Variants in SMAD5 observed in about 807,000 individuals in gnomAD.
SMAD5 encodes the protein SMAD family member 5.
SMAD5 carries 9 observed loss-of-function variants against 43.1 expected under a neutral mutation model. The observed-to-expected ratio is 0.21, with a 90% CI of 0.13 to 0.36. SMAD5 has a LOEUF of 0.36. Ranked by LOEUF, SMAD5 falls within the 10% of genes least tolerant of loss-of-function variation. The probability of loss-of-function intolerance (pLI) is 1.00; values close to 1 mark genes in which losing one functional copy is unlikely to be tolerated. For synonymous variants in SMAD5, 190 were observed against 192.4 expected (o/e 0.99, Z 0.10); for missense variants, 348 against 574.0 (o/e 0.61, Z 4.02).
intron 3 of SMAD5, among the ~76,000 whole-genome samples, chr5:136,155,018 A>G (rs2149769447): frequency 6.6e-6 from 1 of 151,918 alleles, no homozygotes; most frequent in East Asian, 1.9e-4. Context: ...CATTTATATT[A>G]TTTCTTTATG....
chr5:136,165,941 G>A (rs1184132819), intron 5 of SMAD5, among the ~76,000 whole-genome samples: 2 of 151,742 alleles, frequency 1.3e-5, no homozygotes, highest in South Asian at 2.1e-4. Context: ...GTATATACCA[G>A]AAGTACAATT....
In SMAD5 at chr5:136,179,544, A is replaced by G. The variant is rs751627244; in HGVS notation, c.*2064A>G. ...TGTGTCATTATTTATTGCTTTTTCA[A>G]TGTGCAGCCAGTGGATGGTTTTAGT... On this transcript the variant is annotated 3_prime_UTR_variant, in exon 8 of 8. Coordinates refer to ENST00000545279, the MANE Select transcript of SMAD5 (RefSeq NM_005903.7). 2 of 152,212 alleles carry G rather than the reference A, an allele frequency of 1.3e-5. No individual in the cohort carries two copies. Among genetic ancestry groups the G allele is most frequent in the East Asian group, 1.9e-4 (1 of 5,194 alleles). The allele number at this position is 152,212 out of a possible 1,614,324, so 9.4% of individuals were successfully genotyped here.
At chr5:136,152,179 A>G (rs967697217) in intron 2 of SMAD5, among the ~76,000 whole-genome samples, 1 of 152,124 alleles carries the variant, frequency 6.6e-6, no homozygotes, top group Non-Finnish European at 1.5e-5. Context: ...GATAGCTGCC[A>G]GTAGTTGATC....
chr5:136,166,348 G>A (rs949555101), intron 5 of SMAD5, among the ~76,000 whole-genome samples: 2 of 151,960 alleles, frequency 1.3e-5, no homozygotes, highest in Non-Finnish European at 2.9e-5. Context: ...CTATGTTTGT[G>A]ATAATACTGA....
chr5:136,163,933 C>A (rs1753910538), intron 5 of SMAD5, among the ~76,000 whole-genome samples: 1 of 152,180 alleles, frequency 6.6e-6, no homozygotes, highest in South Asian at 2.1e-4. Flanking sequence ...GTAATCGTAG[C>A]ACTTTGGGAG....
At chr5:136,177,111 T>C (rs995909957) in intron 7 of SMAD5, among the ~76,000 whole-genome samples, 1 of 152,198 alleles carries the variant, frequency 6.6e-6, no homozygotes, top group Non-Finnish European at 1.5e-5. Flanking sequence ...GGGTTTCTTT[T>C]AAGGGAATTA....
At chr5:136,176,390 G>C (rs974703177) in intron 7 of SMAD5, among the ~76,000 whole-genome samples, 2 of 149,186 alleles carry the variant, frequency 1.3e-5, no homozygotes. Context: ...GGGAGGCGGA[G>C]GTTGCAGTTA....
Position 136,174,647 on chromosome 5 carries a change from C to G in SMAD5, c.1254+15C>G. ...GTTTTGTCAAGGTGAGTTGTGACCT[C>G]TAACATAATTTGAGTCACTATAAAT... On this transcript the variant is annotated intron_variant, in intron 7 of 7. Coordinates refer to ENST00000545279, the MANE Select transcript of SMAD5 (RefSeq NM_005903.7). 1 of 1,586,418 alleles carries G rather than the reference C, an allele frequency of 6.3e-7. No individual in the cohort carries two copies. The highest frequency in any genetic ancestry group is 8.7e-7 in the Non-Finnish European group (1 of 1,155,760).
chr5:136,163,930 TA>T (rs1753910400), intron 5 of SMAD5, among the ~76,000 whole-genome samples: 1 of 152,162 alleles, frequency 6.6e-6, no homozygotes, highest in Admixed American at 6.5e-5. Context: ...CCTGTAATCG[TA>T]GCACTTTGGG....
Position 136,182,306 on chromosome 5 carries a change from T to C in SMAD5, c.*4826T>C, listed in dbSNP as rs577641960. 3.9e-5 allele frequency: 6 copies of C among 152,202 alleles called. No individual in the cohort carries two copies. The highest frequency in any genetic ancestry group is 8.8e-5 in the Non-Finnish European group (6 of 68,034). 9.4% of individuals were successfully genotyped at this position (152,202 alleles called of 1,614,324 possible). Reference sequence around the variant, plus strand: ...TTGAAGATGATGTTGCATTGATTTATTCATAAAGTATTTTAACTATAGGAA... The same window carrying C: ...TTGAAGATGATGTTGCATTGATTTACTCATAAAGTATTTTAACTATAGGAA... On this transcript the variant is annotated 3_prime_UTR_variant, in exon 8 of 8. Coordinates refer to ENST00000545279, the MANE Select transcript of SMAD5 (RefSeq NM_005903.7).
chr5:136,166,166 C>CT (rs760440947), intron 5 of SMAD5, among the ~76,000 whole-genome samples: 2,324 of 138,264 alleles, frequency 0.017, 34 homozygotes, highest in East Asian at 0.063. Flanking sequence ...TTTTTTTTAT[C>CT]TTTTTTTTTT....
intron 1 of SMAD5, among the ~76,000 whole-genome samples, chr5:136,138,318 C>G (rs951249080): frequency 1.3e-5 from 2 of 152,182 alleles, no homozygotes; most frequent in African/African-American, 4.8e-5. Context: ...TTGAAATCTG[C>G]TATGAGAACT....
chr5:136,140,588 T>G (rs931507425), intron 1 of SMAD5, among the ~76,000 whole-genome samples: 4 of 152,088 alleles, frequency 2.6e-5, no homozygotes, highest in African/African-American at 9.7e-5. Flanking sequence ...CCTAGATATA[T>G]GCCTGTTGGC....
chr5:136,160,739 G>A (rs1265046002), intron 3 of SMAD5, 117 bp from the exon 4 acceptor site: 2 of 986,042 alleles, frequency 2.0e-6, no homozygotes, highest in Non-Finnish European at 3.0e-6. Context: ...CTTTCTAAAA[G>A]TAAATTGTTT....
chr5:136,154,454 A>C (rs1753565924), intron 3 of SMAD5, among the ~76,000 whole-genome samples: 1 of 152,142 alleles, frequency 6.6e-6, no homozygotes, highest in Admixed American at 6.5e-5. Context: ...CTAAGCTCCA[A>C]GTGTGTACTA....
intron 6 of SMAD5, 105 bp downstream of exon 6, chr5:136,172,760 A>T (rs993802582): frequency 2.6e-6 from 2 of 766,160 alleles, no homozygotes; most frequent in Non-Finnish European, 4.6e-6. Context: ...GAAGTTTGAC[A>T]CGTGGCCTCT....
At chr5:136,146,915 T>A (rs1753275628) in intron 1 of SMAD5, among the ~76,000 whole-genome samples, 1 of 151,658 alleles carries the variant, frequency 6.6e-6, no homozygotes, top group Non-Finnish European at 1.5e-5. Context: ...GAAGAGCAAA[T>A]GCTTGTGGTG....
At chr5:136,163,986 C>T (rs1013260845) in intron 5 of SMAD5, among the ~76,000 whole-genome samples, 6 of 152,132 alleles carry the variant, frequency 3.9e-5, no homozygotes, top group African/African-American at 1.4e-4. Flanking sequence ...TTCAAAACCC[C>T]AGCCTGGCCA....
rs751861400 is a variant in SMAD5, at chr5:136,178,048, A to AATG, written c.*571_*573dup. The AATG allele has an allele frequency of 6.6e-6, 1 of 152,648 alleles. No homozygotes were observed. The highest frequency in any genetic ancestry group is 1.9e-4 in the East Asian group (1 of 5,208). 9.5% of individuals were successfully genotyped at this position (152,648 alleles called of 1,614,324 possible). A position where few individuals can be genotyped will look rare whatever the true frequency, so the allele number is the denominator to read the frequency against. ...AACTGGTAGTGTTCAGTAAAAGCAA[A>AATG]ATGATAGTTTTCTAGATGACATAAA... On this transcript the variant is annotated 3_prime_UTR_variant, in exon 8 of 8. Coordinates refer to ENST00000545279, the MANE Select transcript of SMAD5 (RefSeq NM_005903.7).
Sources: gnomAD v4.1 joint callset for allele counts (sites outside exome capture counted in the v4.1 genomes callset) on GRCh38, gnomAD v4.1.1 for gene constraint, MANE v1.5 for transcripts, NCBI Gene and HGNC (gene_info 2026-07-23, HGNC 2026-07-21) for gene names.